Variants in TNFRSF19 observed in about 807,000 individuals in gnomAD.
The protein encoded by TNFRSF19 is TNF receptor superfamily member 19.
Under a neutral mutation model 46.4 loss-of-function variants are expected in TNFRSF19, and 27 were observed. The observed-to-expected ratio is 0.58, with a 90% CI of 0.43 to 0.80. The LOEUF (loss-of-function observed/expected upper bound fraction) is 0.80, where lower values mean the gene tolerates loss of function less well. Among genes scored for constraint, TNFRSF19 ranks in the 30% least tolerant of loss-of-function variants. TNFRSF19 has a pLI of 0.00. For missense variants in TNFRSF19, 511 were observed against 530.8 expected (o/e 0.96, Z 0.37); for synonymous variants, 204 against 205.0 (o/e 1.00, Z 0.04).
chr13:23,636,407 T>C (rs919280982), intron 5 of TNFRSF19, among the ~76,000 whole-genome samples: 1 of 152,142 alleles, frequency 6.6e-6, no homozygotes, highest in Non-Finnish European at 1.5e-5. Flanking sequence ...TAGATATTAA[T>C]GAAGTGCTGC....
intron 3 of TNFRSF19, among the ~76,000 whole-genome samples, chr13:23,611,109 GAC>G (rs928715202): frequency 2.0e-4 from 28 of 137,928 alleles, no homozygotes; most frequent in African/African-American, 7.5e-4. Flanking sequence ...CCCCTCACCA[GAC>G]ACACACACAC....
rs1951639468 is a variant in TNFRSF19 at position 23,666,683 on chromosome 13, A to G, written c.737-1297A>G. ...GGAATGGCAGTGCCTTTTGCTTTAA[A>G]ACAATTTTGAAATGTCTCATGGTGA... On this transcript the variant is annotated intron_variant, in intron 7 of 9. Transcript: ENST00000248484. Among the ~76,000 whole-genome samples the G allele has an allele frequency of 3.3e-5, 5 of 152,312 alleles. No individual in the cohort carries two copies. In the South Asian group the frequency reaches 1.0e-3, roughly 32 times the overall value.
chr13:23,616,878 T>C (rs1222038441), intron 4 of TNFRSF19, among the ~76,000 whole-genome samples: 1 of 152,132 alleles, frequency 6.6e-6, no homozygotes, highest in Non-Finnish European at 1.5e-5. Flanking sequence ...CATGCCCGGC[T>C]TCTTATAGGG....
intron 7 of TNFRSF19, among the ~76,000 whole-genome samples, chr13:23,661,648 C>T (rs952585782): frequency 6.6e-6 from 1 of 152,248 alleles, no homozygotes; most frequent in Non-Finnish European, 1.5e-5. Context: ...AACTAATTTA[C>T]ACTTCCACCA....
chr13:23,656,303 C>T (rs115039703), intron 5 of TNFRSF19, among the ~76,000 whole-genome samples: 161 of 152,238 alleles, frequency 1.1e-3, no homozygotes, highest in African/African-American at 3.8e-3. Context: ...TAACAAGACA[C>T]GTTTAGAGAA....
chr13:23,572,983 AGAGTTTCCTCATGTGTGAAGTGAGG>A lies in TNFRSF19; in HGVS notation c.-35+2141_-35+2165del, dbSNP rs1452110031. ...CACCAATTAGCTATATGACCTCAAG[AGAGTTTCCTCATGTGTGAAGTGAGG>A]GAGTTGATCACATCATCTTTATGAA... On this transcript the variant is annotated intron_variant, in intron 1 of 9. Coordinates refer to ENST00000248484, the MANE Select transcript of TNFRSF19 (RefSeq NM_148957.4). Among the ~76,000 whole-genome samples, 8 of 152,330 alleles carry A rather than the reference AGAGTTTCCTCATGTGTGAAGTGAGG, an allele frequency of 5.3e-5. No homozygotes were observed. The East Asian group carries it at 1.5e-3, about 29-fold the overall frequency.
chr13:23,633,670 G>A (rs549596319), intron 5 of TNFRSF19, among the ~76,000 whole-genome samples: 6 of 152,150 alleles, frequency 3.9e-5, no homozygotes, highest in South Asian at 2.1e-4. Flanking sequence ...CCGACATGAC[G>A]AAACCCTGTC....
intron 3 of TNFRSF19, among the ~76,000 whole-genome samples, chr13:23,597,344 G>A (rs1035729189): frequency 6.6e-6 from 1 of 151,644 alleles, no homozygotes; most frequent in African/African-American, 2.4e-5. Context: ...TAGATAGATC[G>A]CTAGCTAGAC....
In TNFRSF19 at chr13:23,637,836, C is replaced by T. The variant is rs114141449; in HGVS notation, c.445+11044C>T. On this transcript the variant is annotated intron_variant, in intron 5 of 9. Coordinates refer to ENST00000248484, the MANE Select transcript of TNFRSF19 (RefSeq NM_148957.4). ...GCAGGCTAACACCTGCCTGTCTCCACGTGGCCTTCTCCAAATGCAAGGGAA... is the reference window on the plus strand; with the variant it reads ...GCAGGCTAACACCTGCCTGTCTCCATGTGGCCTTCTCCAAATGCAAGGGAA... Among the ~76,000 whole-genome samples, 335 of 152,388 alleles carry T rather than the reference C, an allele frequency of 2.2e-3. 1 individual carries two copies. The highest frequency in any genetic ancestry group is 7.2e-3 in the African/African-American group (301 of 41,594).
chr13:23,629,817 C>A (rs1392738688), intron 5 of TNFRSF19, among the ~76,000 whole-genome samples: 1 of 152,196 alleles, frequency 6.6e-6, no homozygotes, highest in Admixed American at 6.5e-5. Context: ...CAAACCATGA[C>A]CCTGCCTGTC....
Position 23,669,750 on chromosome 13 carries a change from C to T in TNFRSF19, c.1245+653C>T, listed in dbSNP as rs553933170. Reference sequence around the variant, plus strand: ...CTGCGTGCTGCAAAGCTGGAGGCAGCAAAGGATTCAGGGATAACTGGGCAC... The same window carrying T: ...CTGCGTGCTGCAAAGCTGGAGGCAGTAAAGGATTCAGGGATAACTGGGCAC... On this transcript the variant is annotated intron_variant, in intron 9 of 9. Coordinates refer to ENST00000248484, the MANE Select transcript of TNFRSF19 (RefSeq NM_148957.4). 89 of 977,978 alleles carry T rather than the reference C, an allele frequency of 9.1e-5. 1 individual carries two copies. In the South Asian group the frequency reaches 3.6e-3, roughly 40 times the overall value. The allele number at this position is 977,978 out of a possible 1,614,324, so 60.6% of individuals were successfully genotyped here.
At chr13:23,581,255 C>T (rs1017439070) in intron 1 of TNFRSF19, among the ~76,000 whole-genome samples, 1 of 152,088 alleles carries the variant, frequency 6.6e-6, no homozygotes, top group African/African-American at 2.4e-5. Context: ...ACGCCATTCT[C>T]CTGCCTCAGC....
chr13:23,599,417 A>G (rs1160398880), intron 3 of TNFRSF19, among the ~76,000 whole-genome samples: 2 of 152,198 alleles, frequency 1.3e-5, no homozygotes, highest in Admixed American at 6.5e-5. Context: ...AGATCCTGAC[A>G]GCATGTGTCC....
chr13:23,625,326 C>CTTTTT (rs67965421), intron 4 of TNFRSF19, among the ~76,000 whole-genome samples: 8 of 107,322 alleles, frequency 7.5e-5, no homozygotes, highest in East Asian at 2.8e-4. Flanking sequence ...TGATTGTATT[C>CTTTTT]TTTTTTTTTT....
At chr13:23,596,397 A>G (rs1879726672) in intron 3 of TNFRSF19, among the ~76,000 whole-genome samples, 1 of 152,228 alleles carries the variant, frequency 6.6e-6, no homozygotes, top group Admixed American at 6.5e-5. Flanking sequence ...AAAGGGATGG[A>G]GGAATATTTA....
intron 5 of TNFRSF19, among the ~76,000 whole-genome samples, chr13:23,650,128 C>T (rs1055094183): frequency 6.6e-6 from 1 of 152,186 alleles, no homozygotes; most frequent in African/African-American, 2.4e-5. Context: ...GGCATAAAAT[C>T]CCTCCATTCT....
chr13:23,618,836 G>A (rs975483015), intron 4 of TNFRSF19, among the ~76,000 whole-genome samples: 6 of 152,144 alleles, frequency 3.9e-5, no homozygotes, highest in African/African-American at 1.4e-4. Flanking sequence ...GGGCCTTTAC[G>A]AGGTAATTAG....
At chr13:23,642,155 T>C (rs1883067135) in intron 5 of TNFRSF19, among the ~76,000 whole-genome samples, 2 of 152,210 alleles carry the variant, frequency 1.3e-5, no homozygotes, top group Non-Finnish European at 2.9e-5. Flanking sequence ...AAAGATTATT[T>C]TGGTTTGTTT....
intron 5 of TNFRSF19, among the ~76,000 whole-genome samples, chr13:23,646,326 A>C (rs776658469): frequency 2.0e-5 from 3 of 152,158 alleles, no homozygotes; most frequent in Non-Finnish European, 4.4e-5. Context: ...TAAGTATACA[A>C]GTCAGTGATA....
Sources: gnomAD v4.1 joint callset for allele counts (sites outside exome capture counted in the v4.1 genomes callset) on GRCh38, gnomAD v4.1.1 for gene constraint, MANE v1.5 for transcripts, NCBI Gene and HGNC (gene_info 2026-07-23, HGNC 2026-07-21) for gene names.